The following ZNF536 variants were observed in gnomAD, a reference collection of about 807,000 sequenced individuals.
The protein encoded by ZNF536 is zinc finger protein 536.
In ZNF536, 13 loss-of-function variants were observed where a neutral mutation model predicts 84.5. That is an observed-to-expected ratio of 0.15 (90% CI 0.10 to 0.24). The LOEUF is 0.24. ZNF536 is among the 10% of genes least tolerant of loss of function. The pLI is 1.00. For synonymous variants in ZNF536, 811 were observed against 742.5 expected (o/e 1.09, Z -1.50); for missense variants, 1,536 against 1,747.5 (o/e 0.88, Z 2.16).
At chr19:30,343,585 A>T (rs1430328154) in intron 2 of ZNF536, among the ~76,000 whole-genome samples, 2 of 152,192 alleles carry the variant, frequency 1.3e-5, no homozygotes, top group East Asian at 3.9e-4. Context: ...GTCCCTGGAG[A>T]ACCCTATGAC....
intron 1 of ZNF536, among the ~76,000 whole-genome samples, chr19:30,578,660 T>A (rs937673531): frequency 3.3e-5 from 5 of 152,244 alleles, no homozygotes; most frequent in Non-Finnish European, 5.9e-5. Flanking sequence ...GTGCATCTTT[T>A]GAGCTCTTGA....
intron 1 of ZNF536, 41 bp from the exon 2 acceptor site, chr19:30,443,520 G>A (rs1447380990): frequency 3.3e-6 from 5 of 1,505,732 alleles, no homozygotes; most frequent in African/African-American, 1.4e-5. Context: ...TGGCGCCACA[G>A]CCGCACCTGG....
chr19:30,453,176 C>T (rs182984567), intron 2 of ZNF536, among the ~76,000 whole-genome samples: 163 of 152,244 alleles, frequency 1.1e-3, no homozygotes, highest in Admixed American at 1.6e-3. Context: ...CTGTGTCCCC[C>T]CCACCCCCAA....
Position 30,308,761 on chromosome 19 carries a change from C to G in ZNF536, c.-120+24620C>G, listed in dbSNP as rs151287912. Among the ~76,000 whole-genome samples the G allele has an allele frequency of 5.9e-3, 892 of 152,266 alleles. 13 individuals are homozygous for G. Among genetic ancestry groups the G allele is most frequent in the African/African-American group, 0.021 (870 of 41,536 alleles). On this transcript the variant is annotated intron_variant, in intron 2 of 5. Coordinates refer to the ZNF536 transcript ENST00000585628. ...GAAGTCACTCTGTGGTCGCACAGAG[C>G]TCTGCTTCGAGTCCAGCAGTCTGTG...
At chr19:30,529,445 T>C (rs1233910499) in intron 2 of ZNF536, among the ~76,000 whole-genome samples, 1 of 152,294 alleles carries the variant, frequency 6.6e-6, no homozygotes, top group Middle Eastern at 3.4e-3. Context: ...TGCCGCTTTG[T>C]GGTCCAGTGG....
intron 1 of ZNF536, among the ~76,000 whole-genome samples, chr19:30,247,742 T>C (rs1599875160): frequency 6.6e-6 from 1 of 152,160 alleles, no homozygotes; most frequent in Non-Finnish European, 1.5e-5. Context: ...GGTGAGAGGA[T>C]GGCTTGAACT....
chr19:30,262,776 C>T (rs934773627), intron 1 of ZNF536, among the ~76,000 whole-genome samples: 5 of 152,154 alleles, frequency 3.3e-5, no homozygotes, highest in Non-Finnish European at 5.9e-5. Flanking sequence ...CCTGACTCTG[C>T]GATGCCCACA....
intron 1 of ZNF536, among the ~76,000 whole-genome samples, chr19:30,612,738 C>G (rs955747344): frequency 3.9e-5 from 6 of 152,166 alleles, no homozygotes; most frequent in African/African-American, 1.4e-4. Context: ...TCCCCTTTGC[C>G]TAGGTTCCCT....
intron 1 of ZNF536, among the ~76,000 whole-genome samples, chr19:30,404,019 C>CTTTTT (rs11336660): frequency 2.4e-5 from 3 of 123,370 alleles, no homozygotes; most frequent in Admixed American, 8.4e-5. Flanking sequence ...TTCCTTTCCT[C>CTTTTT]TTTTTTTTTT....
chr19:30,437,900 G>A (rs1185448891), intron 1 of ZNF536, among the ~76,000 whole-genome samples: 1 of 152,206 alleles, frequency 6.6e-6, no homozygotes, highest in Non-Finnish European at 1.5e-5. Flanking sequence ...TCAGGCTGGG[G>A]CAATGAACTG....
At chr19:30,424,702 C>T (rs1263182264) in intron 1 of ZNF536, among the ~76,000 whole-genome samples, 1 of 152,188 alleles carries the variant, frequency 6.6e-6, no homozygotes, top group Non-Finnish European at 1.5e-5. Context: ...CCGGAAGACT[C>T]TGGAACATCA....
chr19:30,529,151 T>C (rs1033541124), intron 2 of ZNF536, among the ~76,000 whole-genome samples: 6 of 152,158 alleles, frequency 3.9e-5, no homozygotes, highest in African/African-American at 4.8e-5. Flanking sequence ...TATTTTATTA[T>C]ACAAAGAAGT....
At chr19:30,578,794 T>TA (rs2046824689) in intron 1 of ZNF536, among the ~76,000 whole-genome samples, 1 of 152,186 alleles carries the variant, frequency 6.6e-6, no homozygotes, top group South Asian at 2.1e-4. Flanking sequence ...TACCAGGCCA[T>TA]AGGGCTCTCA....
intron 1 of ZNF536, among the ~76,000 whole-genome samples, chr19:30,443,049 T>G (rs1056675976): frequency 1.3e-5 from 2 of 151,698 alleles, no homozygotes; most frequent in African/African-American, 2.4e-5. Flanking sequence ...GTTTGTTTTT[T>G]TTTTTTTTTT....
chr19:30,340,059 C>A (rs898431370), intron 2 of ZNF536, among the ~76,000 whole-genome samples: 12 of 152,160 alleles, frequency 7.9e-5, no homozygotes, highest in Non-Finnish European at 1.5e-5. Context: ...TCCCCTGCAC[C>A]CCCTCTTCCC....
intron 1 of ZNF536, among the ~76,000 whole-genome samples, chr19:30,235,506 A>G (rs902517699): frequency 1.3e-5 from 2 of 152,214 alleles, no homozygotes; most frequent in Admixed American, 1.3e-4. Flanking sequence ...GTCAGCTAAC[A>G]AGTAACTATA....
intron 2 of ZNF536, among the ~76,000 whole-genome samples, chr19:30,482,413 G>C (rs1303298574): frequency 6.6e-6 from 1 of 152,166 alleles, no homozygotes; most frequent in Non-Finnish European, 1.5e-5. Context: ...CTGGATTTGA[G>C]CCGGTCTGTT....
At chr19:30,686,264 A>G (rs746595566) in intron 1 of ZNF536, among the ~76,000 whole-genome samples, 1 of 149,696 alleles carries the variant, frequency 6.7e-6, no homozygotes, top group Non-Finnish European at 1.5e-5. Context: ...AACCCCCAAC[A>G]CACACACACA....
At chr19:30,396,436 G>T (rs1171178392) in intron 1 of ZNF536, among the ~76,000 whole-genome samples, 1 of 152,150 alleles carries the variant, frequency 6.6e-6, no homozygotes, top group Non-Finnish European at 1.5e-5. Context: ...CTTTAGATTT[G>T]TCTCTTCCAT....
Sources: allele counts gnomAD v4.1 joint callset (sites outside exome capture counted in the v4.1 genomes callset), GRCh38; gene constraint gnomAD v4.1.1; transcripts MANE v1.5; gene names NCBI Gene and HGNC (gene_info 2026-07-23, HGNC 2026-07-21).